LYRM4: variants seen among roughly 807,000 people sequenced by gnomAD.
LYRM4 encodes LYR motif containing 4.
LYRM4 carries 9 observed loss-of-function variants against 11.7 expected under a neutral mutation model. The ratio of observed to expected loss-of-function variants is 0.77; its 90% CI spans 0.46 to 1.34. The LOEUF (loss-of-function observed/expected upper bound fraction) is 1.34. LYRM4 is among the 40% of genes most tolerant of loss of function. LYRM4 has a pLI of 0.00. For synonymous variants in LYRM4, 42 were observed against 40.4 expected (o/e 1.04, Z -0.15); for missense variants, 133 against 112.5 (o/e 1.18, Z -0.82).
chr6:5,076,246 A>ATT, the LYRM4 span, among the ~76,000 whole-genome samples: 2 of 145,786 alleles, frequency 1.4e-5, no homozygotes, highest in African/African-American at 5.0e-5. Flanking sequence ...GCGCCCAGCT[A>ATT]TTTTTTTTTT....
chr6:5,234,650 G>T (rs2127747122), intron 1 of LYRM4, among the ~76,000 whole-genome samples: 1 of 152,214 alleles, frequency 6.6e-6, no homozygotes, highest in Admixed American at 6.5e-5. Context: ...AAAACCCAAG[G>T]TTCTACATGA....
chr6:5,182,961 C>A (rs539436528), intron 2 of LYRM4, among the ~76,000 whole-genome samples: 60 of 152,222 alleles, frequency 3.9e-4, no homozygotes, highest in Middle Eastern at 3.4e-3. Context: ...TAGCATTTGC[C>A]ACATACAGTT....
chr6:5,220,605 T>A (rs1255713843), intron 1 of LYRM4, among the ~76,000 whole-genome samples: 6 of 152,232 alleles, frequency 3.9e-5, no homozygotes, highest in Non-Finnish European at 7.3e-5. Context: ...AATTCTAGCA[T>A]GTCCCCATAT....
Position 5,260,670 on chromosome 6 carries a change from G to T in LYRM4, c.64C>A (p.Arg22Ser). ...CACCTGTAATTGTAGGCGCTGAAAC[G>T]CTTGCTCTCTCTCAGCATCGCCCGG... ...LYRAMLRESK[R>S]FSAYNYRTYA... Residue 22 changes from arginine (R) to serine (S), a missense_variant, in exon 1 of 3, where the codon CGT (arginine) becomes AGT (serine). Transcript: ENST00000330636. The T allele has an allele frequency of 2.0e-6, 3 of 1,512,354 alleles. No homozygotes were observed. The highest frequency in any genetic ancestry group is 1.8e-6 in the Non-Finnish European group (2 of 1,125,786). The allele number at this position is 1,512,354 out of a possible 1,614,324, so 93.7% of individuals were successfully genotyped here.
At chr6:5,186,594 CA>C in intron 2 of LYRM4, 3 of 978,686 alleles carry the variant, frequency 3.1e-6, no homozygotes, top group Non-Finnish European at 3.6e-6. Context: ...ACAAAAGCAC[CA>C]GAAGGAAATG....
chr6:5,237,531 T>C (rs34265509), intron 1 of LYRM4, among the ~76,000 whole-genome samples: 7,442 of 152,148 alleles, frequency 0.049, 598 homozygotes, highest in African/African-American at 0.16. Context: ...GTGCTTGAAT[T>C]ATCCTGAAAC....
rs949094351 is a variant in LYRM4 at position 5,233,340 on chromosome 6, T to G, written c.87-16602A>C. Reference sequence around the variant, plus strand: ...GTTATGTGAAAATACTAGTCCTAAGTGAGGAAGAAGAAACACAGCACCTTA... The same window carrying G: ...GTTATGTGAAAATACTAGTCCTAAGGGAGGAAGAAGAAACACAGCACCTTA... On this transcript the variant is annotated intron_variant, in intron 1 of 2. Coordinates refer to ENST00000330636, the MANE Select transcript of LYRM4 (RefSeq NM_020408.6). 5.3e-5 allele frequency among the ~76,000 whole-genome samples: 8 copies of G among 152,296 alleles called. No homozygotes were observed. In the South Asian group the frequency reaches 1.7e-3, roughly 32 times the overall value.
chr6:5,051,335 A>G, the LYRM4 span, among the ~76,000 whole-genome samples: 2 of 152,232 alleles, frequency 1.3e-5, no homozygotes, highest in Non-Finnish European at 2.9e-5. Context: ...ACATAAATTC[A>G]AGAAGCTCAA....
chr6:5,052,679 G>A, the LYRM4 span, among the ~76,000 whole-genome samples: 5 of 152,104 alleles, frequency 3.3e-5, no homozygotes, highest in South Asian at 2.1e-4. Context: ...ATAATAATGC[G>A]AATGTACATA....
chr6:5,149,228 A>G (rs1432775372), intron 2 of LYRM4, among the ~76,000 whole-genome samples: 1 of 152,256 alleles, frequency 6.6e-6, no homozygotes, highest in African/African-American at 2.4e-5. Context: ...CACTAAAATG[A>G]GGGCCTGAAA....
At chr6:5,148,725 C>T (rs1757923082) in intron 2 of LYRM4, among the ~76,000 whole-genome samples, 2 of 151,944 alleles carry the variant, frequency 1.3e-5, no homozygotes, top group Non-Finnish European at 2.9e-5. Context: ...ATAACTTTAC[C>T]AACAATAATT....
the LYRM4 span, among the ~76,000 whole-genome samples, chr6:5,050,787 A>C: frequency 6.6e-6 from 1 of 152,228 alleles, no homozygotes; most frequent in Non-Finnish European, 1.5e-5. Context: ...TTCAGCAAAA[A>C]AATCACAAAG....
intron 1 of LYRM4, among the ~76,000 whole-genome samples, chr6:5,253,528 A>G (rs1027053694): frequency 4.6e-5 from 7 of 152,180 alleles, no homozygotes; most frequent in South Asian, 2.1e-4. Context: ...TTTGAGCTCA[A>G]AATTGGTCAA....
At chr6:5,208,374 T>C (rs1004350003) in intron 2 of LYRM4, among the ~76,000 whole-genome samples, 1 of 152,248 alleles carries the variant, frequency 6.6e-6, no homozygotes, top group South Asian at 2.1e-4. Flanking sequence ...TGCTTCAGCA[T>C]CAAAACAGTT....
chr6:5,168,986 G>C (rs573013594), intron 2 of LYRM4, among the ~76,000 whole-genome samples: 2 of 152,226 alleles, frequency 1.3e-5, no homozygotes, highest in Admixed American at 1.3e-4. Context: ...GGTGAACTGG[G>C]GAAGGTATAT....
intron 2 of LYRM4, among the ~76,000 whole-genome samples, chr6:5,163,610 G>A (rs1758896077): frequency 7.2e-6 from 1 of 138,818 alleles, no homozygotes; most frequent in Non-Finnish European, 1.5e-5. Flanking sequence ...CTAGTCCCAG[G>A]ACTGCATTAA....
At chr6:5,173,664 T>C (rs570784063) in intron 2 of LYRM4, among the ~76,000 whole-genome samples, 5 of 152,252 alleles carry the variant, frequency 3.3e-5, no homozygotes, top group Admixed American at 6.5e-5. Flanking sequence ...TTCAACTTTT[T>C]TCATTTACAA....
intron 2 of LYRM4, among the ~76,000 whole-genome samples, chr6:5,198,516 C>G (rs1348350213): frequency 6.6e-6 from 1 of 152,172 alleles, no homozygotes; most frequent in African/African-American, 2.4e-5. Flanking sequence ...TTACTCTTGT[C>G]CATCTGGAGG....
At chr6:5,152,547 G>A (rs1758148593) in intron 2 of LYRM4, among the ~76,000 whole-genome samples, 1 of 152,172 alleles carries the variant, frequency 6.6e-6, no homozygotes, top group Non-Finnish European at 1.5e-5. Flanking sequence ...GCTGGTGGAG[G>A]CAAACGGAGA....
Sources: gnomAD v4.1 joint callset for allele counts (sites outside exome capture counted in the v4.1 genomes callset) on GRCh38, gnomAD v4.1.1 for gene constraint, MANE v1.5 for transcripts, NCBI Gene and HGNC (gene_info 2026-07-23, HGNC 2026-07-21) for gene names.